ARHGAP45: variants seen among roughly 807,000 people sequenced by gnomAD.
ARHGAP45 encodes the protein Rho GTPase activating protein 45.
A neutral mutation model predicts 116.1 loss-of-function variants in ARHGAP45; 56 were observed. The observed-to-expected ratio is 0.48, with a 90% confidence interval of 0.39 to 0.60. ARHGAP45 has a LOEUF of 0.60. Among genes scored for constraint, ARHGAP45 ranks in the 20% least tolerant of loss-of-function variants. The pLI is 0.00. For missense variants in ARHGAP45, 1,622 were observed against 1,601.0 expected, an observed-to-expected ratio of 1.01 and a Z score of -0.22; for synonymous variants, 866 against 701.7, an observed-to-expected ratio of 1.23 and a Z score of -3.70.
At chr19:1,074,525 T>A in intron 8 of ARHGAP45, 89 bp from the exon 9 acceptor site, 1 of 1,407,136 alleles carries the variant, frequency 7.1e-7, no homozygotes, top group South Asian at 1.4e-5. Context: ...CGGGGGTGGC[T>A]GCAGGGACCA....
intron 4 of ARHGAP45, 26 bp downstream of exon 4, chr19:1,073,616 G>C (rs751967066): frequency 6.2e-7 from 1 of 1,613,322 alleles, no homozygotes; most frequent in Admixed American, 1.7e-5. Context: ...TGTGGGGCAG[G>C]GCAAGGGAGC....
chr19:1,080,133 C>CT lies in ARHGAP45; in HGVS notation c.1703+16dup. The CT allele has an allele frequency of 6.2e-7, 1 of 1,610,748 alleles. No individual in the cohort carries two copies. Among genetic ancestry groups the CT allele is most frequent in the Non-Finnish European group, 8.5e-7 (1 of 1,178,752 alleles). On this transcript the variant is annotated intron_variant, in intron 13 of 22. Coordinates refer to ENST00000313093, the MANE Select transcript of ARHGAP45 (RefSeq NM_012292.5). ...GCCAACGCCTGGTACCGCCACCCAG[C>CT]TGCCCTGTCCCCGGCGCACAAGGCC...
rs902824529 is a variant in ARHGAP45 at position 1,067,244 on chromosome 19, G to A, written c.-162G>A. ...CGCCGCCTCCCCGAAGCCTTTTCCT[G>A]TTGGGGGGAGGGCCCGCCAGTGACG... On this transcript the variant is annotated 5_prime_UTR_variant, in exon 1 of 23. Coordinates refer to ENST00000313093, the MANE Select transcript of ARHGAP45 (RefSeq NM_012292.5). The A allele has an allele frequency of 1.5e-6, 2 of 1,333,786 alleles. No homozygotes were observed. The highest frequency in any genetic ancestry group is 3.7e-5 in the African/African-American group (2 of 54,388). The allele number at this position is 1,333,786 out of a possible 1,614,324, so 82.6% of individuals were successfully genotyped here.
chr19:1,073,646 C>G, intron 4 of ARHGAP45, 28 bp from the exon 5 acceptor site: 2 of 1,610,636 alleles, frequency 1.2e-6, no homozygotes, highest in Non-Finnish European at 1.7e-6. Flanking sequence ...CCGGGTGTCT[C>G]TCGATGGTGA....
chr19:1,072,433 C>A (rs1182527358), intron 2 of ARHGAP45, among the ~76,000 whole-genome samples: 1 of 152,096 alleles, frequency 6.6e-6, no homozygotes, highest in African/African-American at 2.4e-5. Flanking sequence ...TATTTTATTT[C>A]TTACAGAGAC....
chr19:1,081,516 CG>C, intron 17 of ARHGAP45, 33 bp from the exon 18 acceptor site: 1 of 1,442,162 alleles, frequency 6.9e-7, no homozygotes, highest in East Asian at 2.6e-5. Flanking sequence ...CTGGGCGCCC[CG>C]GGGCTGGGCT....
chr19:1,067,303 A>G lies in ARHGAP45; in HGVS notation c.-103A>G. The G allele has an allele frequency of 1.4e-6, 2 of 1,423,010 alleles. No individual in the cohort carries two copies. Among genetic ancestry groups the G allele is most frequent in the African/African-American group, 1.5e-5 (1 of 66,040 alleles). The allele number at this position is 1,423,010 out of a possible 1,614,324, so 88.1% of individuals were successfully genotyped here. A position where few individuals can be genotyped will look rare whatever the true frequency, so the allele number is the denominator to read the frequency against. On this transcript the variant is annotated 5_prime_UTR_variant, in exon 1 of 23. Coordinates refer to ENST00000313093, the MANE Select transcript of ARHGAP45 (RefSeq NM_012292.5). ...TGTCACGTGGGCCTGACAGCTGGGG[A>G]GGGGGTGGCCGGCGACAATGTGGTC...
At chr19:1,078,913 G>A (rs1158284272) in intron 11 of ARHGAP45, among the ~76,000 whole-genome samples, 2 of 149,630 alleles carry the variant, frequency 1.3e-5, no homozygotes, top group African/African-American at 4.9e-5. Flanking sequence ...GGGCGCAGTG[G>A]CTCACGCCTG....
rs754297297 is a variant in ARHGAP45, at chr19:1,084,269, T to C, written c.2987T>C (p.Val996Ala). The stretch of plus-strand genomic sequence containing the variant: ...TCATCCAACCAGCGAGCTGAGGTAG[T>C]CGTCCAGGTGCCGTACCTGGAGGCG... Reference protein sequence around the residue: ...DESSNQRAEVVVQVPYLEAGE... With the variant: ...DESSNQRAEVAVQVPYLEAGE... Residue 996 changes from valine to alanine, a missense_variant, in exon 22 of 23, where the codon GTC (valine) becomes GCC (alanine). Physicochemically the swap from Val to Ala is moderately conservative, Grantham distance 64. This residue lies in a region of ARHGAP45 where 1,334 missense variants were observed against 1,263.8 expected (regional missense o/e 1.06). Coordinates refer to ENST00000313093, the MANE Select transcript of ARHGAP45 (RefSeq NM_012292.5). 8.1e-5 allele frequency: 131 copies of C among 1,613,286 alleles called. No homozygotes were observed. The highest frequency in any genetic ancestry group is 1.1e-4 in the Non-Finnish European group (125 of 1,179,860).
At position 1,085,857 on chromosome 19, in the gene ARHGAP45, G is replaced by A. The variant is rs760355452; in HGVS notation, c.3262G>A (p.Gly1088Arg). 83 of 1,612,794 alleles carry A rather than the reference G, an allele frequency of 5.1e-5. No individual in the cohort carries two copies. Among genetic ancestry groups the A allele is most frequent in the Middle Eastern group, 3.3e-4 (2 of 6,084 alleles). ...GGCCACAGCCCGGGAGGACGGGGACGGGGACGAGGACGGCCCGGCCCAGCA... is the reference window on the plus strand; with the variant it reads ...GGCCACAGCCCGGGAGGACGGGGACAGGGACGAGGACGGCCCGGCCCAGCA... Reference protein sequence around the residue: ...LEATAREDGDGDEDGPAQQLS... With the variant: ...LEATAREDGDRDEDGPAQQLS... Residue 1088 changes from glycine (G) to arginine (R), a missense_variant, in exon 23 of 23, where the codon GGG becomes AGG. This residue lies in a region of ARHGAP45 where 1,334 missense variants were observed against 1,263.8 expected (regional missense o/e 1.06). Coordinates refer to ENST00000313093, the MANE Select transcript of ARHGAP45 (RefSeq NM_012292.5).
At chr19:1,080,818 G>T (rs932186888) in intron 16 of ARHGAP45, 32 bp downstream of exon 16, 12 of 1,610,896 alleles carry the variant, frequency 7.4e-6, no homozygotes, top group African/African-American at 1.3e-5. Flanking sequence ...TGGAGAGAGA[G>T]GGGGGTTTGG....
chr19:1,078,559 C>A (rs914172063), intron 11 of ARHGAP45, among the ~76,000 whole-genome samples: 3 of 151,076 alleles, frequency 2.0e-5, no homozygotes, highest in Non-Finnish European at 4.4e-5. Context: ...AGCCACCCTG[C>A]CACCAAGCCC....
intron 10 of ARHGAP45, among the ~76,000 whole-genome samples, chr19:1,076,720 C>T (rs553718257): frequency 2.8e-4 from 42 of 151,936 alleles, no homozygotes; most frequent in South Asian, 6.2e-4. Context: ...TGGTCTCGAA[C>T]TCCTGACCTC....
chr19:1,081,494 G>T, intron 17 of ARHGAP45, 56 bp from the exon 18 acceptor site: 1 of 1,427,362 alleles, frequency 7.0e-7, no homozygotes, highest in Non-Finnish European at 9.2e-7. Context: ...AGCCGCTGGG[G>T]GCTGCGCTGA....
Position 1,074,619 on chromosome 19 carries a change from C to G in ARHGAP45, c.999C>G (p.His333Gln). Residue 333 changes from histidine (H) to glutamine (Q), a missense_variant, in exon 9 of 23, where the codon CAC (histidine) becomes CAG (glutamine). By Grantham distance (24) the His-to-Gln change is conservative. Around this residue, in one of 3 missense-constraint regions of ARHGAP45, gnomAD observed 1,334 missense variants for 1,263.8 expected, o/e 1.06. Coordinates refer to ENST00000313093, the MANE Select transcript of ARHGAP45 (RefSeq NM_012292.5). ...NCRQSVMQEP[H>Q]MPLLSIYSLA... ...AGCCGGTGCCCCACCCACAGCCCCA[C>G]ATGCCGCTCCTGTCCATCTACTCGC... The G allele has an allele frequency of 2.5e-6, 4 of 1,585,300 alleles. No homozygotes were observed. Among genetic ancestry groups the G allele is most frequent in the Non-Finnish European group, 3.4e-6 (4 of 1,166,328 alleles).
At chr19:1,079,653 C>G (rs750067013) in intron 11 of ARHGAP45, 50 bp from the exon 12 acceptor site, 3 of 1,600,964 alleles carry the variant, frequency 1.9e-6, no homozygotes, top group Non-Finnish European at 2.6e-6. Flanking sequence ...CTGTCTGAGT[C>G]CTGCACCCCG....
Position 1,068,493 on chromosome 19 carries a change from A to C in ARHGAP45, c.170A>C (p.Lys57Thr), listed in dbSNP as rs777515527. ...LEPPAGSSGV[K>T]ATGTLKRPTS... ...CCGCCCGCTGGGTCCTCCGGCGTCA[A>C]GGCCACAGGGACCCTCAAGCGGCCC... The change falls in exon 2 of 23, where the codon AAG becomes ACG. Residue 57 changes from lysine to threonine, a missense_variant. This residue lies in a region of ARHGAP45 where 279 missense variants were observed against 311.9 expected (regional missense o/e 0.89). Transcript: ENST00000313093. The surrounding 1 kb of genome is among the most constrained non-coding windows in gnomAD (Gnocchi z 7.5). The C allele has an allele frequency of 6.3e-7, 1 of 1,594,198 alleles. No homozygotes were observed. The highest frequency in any genetic ancestry group is 8.5e-7 in the Non-Finnish European group (1 of 1,171,304).
rs752923670 is a variant in ARHGAP45, at chr19:1,085,981, G to A, written c.3386G>A (p.Arg1129Lys). ...RGGRMTLGSC[R>K]ERQPEFV ...GGGCGGATGACACTGGGCTCCTGCA[G>A]GGAAAGGCAGCCGGAATTCGTGTGA... is the stretch of plus-strand genomic sequence containing the variant. The change falls in exon 23 of 23, where the codon AGG (arginine) becomes AAG (lysine). Residue 1129 changes from arginine (R) to lysine (K), a missense_variant. This residue lies in a region of ARHGAP45 where 1,334 missense variants were observed against 1,263.8 expected (regional missense o/e 1.06). Coordinates refer to ENST00000313093, the MANE Select transcript of ARHGAP45 (RefSeq NM_012292.5). 19 of 1,612,502 alleles carry A rather than the reference G, an allele frequency of 1.2e-5. No homozygotes were observed. Among genetic ancestry groups the A allele is most frequent in the Middle Eastern group, 1.6e-4 (1 of 6,084 alleles).
chr19:1,079,907 G>T (rs774971659), intron 12 of ARHGAP45, 21 bp from the exon 13 acceptor site: 2 of 1,600,002 alleles, frequency 1.3e-6, no homozygotes, highest in Admixed American at 1.7e-5. Flanking sequence ...TGACCCCTCC[G>T]CTCTCCGGTG....
Sources: allele counts gnomAD v4.1 joint callset (sites outside exome capture counted in the v4.1 genomes callset), GRCh38; gene constraint gnomAD v4.1.1; regional missense constraint gnomAD v4.1.1; non-coding constraint Gnocchi (gnomAD v3.1); transcripts MANE v1.5; gene names NCBI Gene and HGNC (gene_info 2026-07-23, HGNC 2026-07-21).